Variants in DAP observed in about 807,000 individuals in gnomAD.
DAP encodes the protein death associated protein, also known as death-associated protein 1.
Under a neutral mutation model 13.8 loss-of-function variants are expected in DAP, and 8 were observed. The observed-to-expected ratio is 0.58, with a 90% CI of 0.34 to 1.05. DAP has a LOEUF of 1.05. Ranked by LOEUF, DAP falls within the 50% of genes least tolerant of loss-of-function variation. The probability of loss-of-function intolerance (pLI) is 0.03; values close to 1 mark genes in which losing one functional copy is unlikely to be tolerated. For missense variants in DAP, 106 were observed against 133.2 expected (o/e 0.80, Z 1.01); for synonymous variants, 47 against 47.5 (o/e 0.99, Z 0.04).
At chr5:10,685,984 G>A (rs1738146402) in intron 2 of DAP, among the ~76,000 whole-genome samples, 1 of 152,126 alleles carries the variant, frequency 6.6e-6, no homozygotes, top group African/African-American at 2.4e-5. Flanking sequence ...GCACTTCACA[G>A]GTAATGTGTT....
intron 1 of DAP, among the ~76,000 whole-genome samples, chr5:10,757,230 T>A (rs2964784): frequency 0.23 from 34,224 of 151,698 alleles, 4,024 homozygotes; most frequent in Middle Eastern, 0.35. Flanking sequence ...TCCCACTAGG[T>A]CACTAGCTCA....
chr5:10,715,922 G>A (rs1039905406), intron 2 of DAP, among the ~76,000 whole-genome samples: 10 of 152,224 alleles, frequency 6.6e-5, no homozygotes, highest in Admixed American at 6.5e-4. Context: ...GAAACCTCTC[G>A]ATAATACACC....
chr5:10,738,060 G>A (rs943569822), intron 2 of DAP, among the ~76,000 whole-genome samples: 1 of 152,244 alleles, frequency 6.6e-6, no homozygotes. Context: ...GGAGCAGCAT[G>A]GAACACATGC....
At chr5:10,684,828 C>T (rs1249238469) in intron 2 of DAP, among the ~76,000 whole-genome samples, 1 of 152,100 alleles carries the variant, frequency 6.6e-6, no homozygotes, top group African/African-American at 2.4e-5. Flanking sequence ...ACACCCAAGA[C>T]CTGGAGGTGA....
At chr5:10,687,929 A>G (rs1261062402) in intron 2 of DAP, among the ~76,000 whole-genome samples, 1 of 67,860 alleles carries the variant, frequency 1.5e-5, no homozygotes, top group Non-Finnish European at 2.5e-5. Context: ...TTTTTTTTTT[A>G]CAGAGGGAGA....
At chr5:10,683,855 G>A (rs922333145) in intron 2 of DAP, among the ~76,000 whole-genome samples, 1 of 152,102 alleles carries the variant, frequency 6.6e-6, no homozygotes, top group Non-Finnish European at 1.5e-5. Context: ...TTTAGGGACA[G>A]GGTCTCTGTC....
At chr5:10,737,359 A>C (rs918510800) in intron 2 of DAP, among the ~76,000 whole-genome samples, 10 of 149,740 alleles carry the variant, frequency 6.7e-5, no homozygotes, top group African/African-American at 2.3e-4. Flanking sequence ...AAAAAAACAA[A>C]AACAAAAACA....
At chr5:10,689,609 A>AAT (rs148145031) in intron 2 of DAP, among the ~76,000 whole-genome samples, 264 of 152,320 alleles carry the variant, frequency 1.7e-3, no homozygotes, top group East Asian at 0.012. Context: ...CAGCATAAGA[A>AAT]ATGTGCCTCT....
intron 2 of DAP, among the ~76,000 whole-genome samples, chr5:10,712,355 T>C (rs1427538269): frequency 1.3e-5 from 2 of 152,256 alleles, no homozygotes; most frequent in Middle Eastern, 3.4e-3. Flanking sequence ...ACACACAGCA[T>C]GTGCAGAAAG....
chr5:10,732,541 C>T (rs1321980648), intron 2 of DAP, among the ~76,000 whole-genome samples: 4 of 152,216 alleles, frequency 2.6e-5, no homozygotes, highest in African/African-American at 9.6e-5. Context: ...CTTTGTATGA[C>T]TTACCATGTT....
At chr5:10,711,522 T>G (rs1258366563) in intron 2 of DAP, among the ~76,000 whole-genome samples, 2 of 152,216 alleles carry the variant, frequency 1.3e-5, no homozygotes, top group Non-Finnish European at 2.9e-5. Context: ...CCTCCAGCGT[T>G]TATGCTCTGT....
At chr5:10,748,646 T>C (rs1274989411) in intron 1 of DAP, among the ~76,000 whole-genome samples, 1 of 152,208 alleles carries the variant, frequency 6.6e-6, no homozygotes, top group East Asian at 1.9e-4. Flanking sequence ...CTGTGAAATT[T>C]ACTTTCTCAA....
At chr5:10,693,551 C>T (rs986883711) in intron 2 of DAP, among the ~76,000 whole-genome samples, 1 of 152,204 alleles carries the variant, frequency 6.6e-6, no homozygotes, top group Non-Finnish European at 1.5e-5. Flanking sequence ...TCCTGTGAGG[C>T]AGGAACTGTC....
At chr5:10,718,853 A>G (rs1246340435) in intron 2 of DAP, among the ~76,000 whole-genome samples, 1 of 152,240 alleles carries the variant, frequency 6.6e-6, no homozygotes, top group Non-Finnish European at 1.5e-5. Flanking sequence ...CCTCAGGGGT[A>G]TATCAACTCT....
At chr5:10,757,094 AAC>A (rs1304732342) in intron 1 of DAP, among the ~76,000 whole-genome samples, 1 of 152,088 alleles carries the variant, frequency 6.6e-6, no homozygotes, top group African/African-American at 2.4e-5. Flanking sequence ...ACCTTTCTCT[AAC>A]ACTCTTCAGA....
chr5:10,757,171 C>G (rs552763662), intron 1 of DAP, among the ~76,000 whole-genome samples: 4 of 152,174 alleles, frequency 2.6e-5, no homozygotes, highest in African/African-American at 4.8e-5. Context: ...GTGATGGAGT[C>G]GTCTGTCGGG....
At chr5:10,758,577 T>TG (rs1169721573) in intron 1 of DAP, among the ~76,000 whole-genome samples, 2 of 152,168 alleles carry the variant, frequency 1.3e-5, no homozygotes, top group African/African-American at 4.8e-5. Context: ...GGAGTTTACC[T>TG]GGGGGATGAA....
chr5:10,717,804 AG>A (rs1333677244), intron 2 of DAP, among the ~76,000 whole-genome samples: 3,283 of 152,300 alleles, frequency 0.022, 89 homozygotes, highest in African/African-American at 0.071. Flanking sequence ...ACTAGTGTAG[AG>A]CTATGGCATT....
intron 2 of DAP, among the ~76,000 whole-genome samples, chr5:10,697,264 C>G (rs1326957346): frequency 6.6e-6 from 1 of 152,194 alleles, no homozygotes; most frequent in Non-Finnish European, 1.5e-5. Context: ...TGCTTTATTA[C>G]ATGGTTAGCT....
Sources: allele counts gnomAD v4.1 joint callset (sites outside exome capture counted in the v4.1 genomes callset), GRCh38; gene constraint gnomAD v4.1.1; transcripts MANE v1.5; gene names NCBI Gene and HGNC (gene_info 2026-07-23, HGNC 2026-07-21).